Variants in SMOC1 observed in about 807,000 individuals in gnomAD.
SMOC1 encodes the protein SPARC-related modular calcium-binding protein 1.
A neutral mutation model predicts 56.3 loss-of-function variants in SMOC1; 22 were observed. That is an observed-to-expected ratio of 0.39 (90% CI 0.28 to 0.56). The LOEUF (loss-of-function observed/expected upper bound fraction) is 0.56, where lower values mean the gene tolerates loss of function less well. Among genes scored for constraint, SMOC1 ranks in the 20% least tolerant of loss-of-function variants. The pLI, the probability that SMOC1 is intolerant of heterozygous loss-of-function variation, is 0.61. For synonymous variants in SMOC1, 193 were observed against 215.0 expected (o/e 0.90, Z 0.89); for missense variants, 509 against 565.4 (o/e 0.90, Z 1.01).
intron 7 of SMOC1, among the ~76,000 whole-genome samples, chr14:70,002,478 G>A (rs1885003175): frequency 6.6e-6 from 1 of 152,156 alleles, no homozygotes; most frequent in Non-Finnish European, 1.5e-5. Context: ...TTCTGGGCCA[G>A]TTGTCTACCC....
intron 11 of SMOC1, among the ~76,000 whole-genome samples, chr14:70,029,832 G>A (rs1275183535): frequency 6.6e-6 from 1 of 152,200 alleles, no homozygotes; most frequent in Non-Finnish European, 1.5e-5. Flanking sequence ...TATTGGGTCA[G>A]TGCCAATGGG....
intron 1 of SMOC1, among the ~76,000 whole-genome samples, chr14:69,945,133 A>G (rs781380217): frequency 1.3e-5 from 2 of 152,234 alleles, no homozygotes; most frequent in Non-Finnish European, 2.9e-5. Flanking sequence ...TTCATTCCTC[A>G]AACATATACT....
At chr14:69,923,701 A>G (rs561029743) in intron 1 of SMOC1, among the ~76,000 whole-genome samples, 18 of 152,296 alleles carry the variant, frequency 1.2e-4, no homozygotes, top group East Asian at 3.9e-4. Flanking sequence ...TCGATTTGAC[A>G]TCTTCATTTA....
intron 1 of SMOC1, among the ~76,000 whole-genome samples, chr14:69,951,560 GT>G (rs1288949575): frequency 6.6e-6 from 1 of 152,138 alleles, no homozygotes; most frequent in African/African-American, 2.4e-5. Context: ...CCAGAGAGAG[GT>G]GGGCAAAAAT....
intron 1 of SMOC1, among the ~76,000 whole-genome samples, chr14:69,913,474 G>A (rs560240696): frequency 5.9e-4 from 90 of 152,110 alleles, no homozygotes; most frequent in Admixed American, 2.2e-3. Flanking sequence ...GTGTGTGTGC[G>A]TGTGTGTGTG....
intron 3 of SMOC1, among the ~76,000 whole-genome samples, chr14:69,971,318 C>T (rs931696459): frequency 6.6e-6 from 1 of 152,148 alleles, no homozygotes; most frequent in Non-Finnish European, 1.5e-5. Context: ...GCACCTGGCC[C>T]CGCTCCCCCT....
intron 11 of SMOC1, among the ~76,000 whole-genome samples, chr14:70,024,471 C>T (rs569170631): frequency 7.6e-4 from 116 of 152,028 alleles, no homozygotes; most frequent in Non-Finnish European, 1.3e-3. Flanking sequence ...TAAGAGGGAC[C>T]GTATATGGCC....
At chr14:69,986,908 C>T (rs1340425892) in intron 5 of SMOC1, among the ~76,000 whole-genome samples, 2 of 152,220 alleles carry the variant, frequency 1.3e-5, no homozygotes, top group South Asian at 2.1e-4. Flanking sequence ...TCTGCTCCTA[C>T]AGATCAGAAT....
At chr14:70,021,529 C>A (rs1885723264) in intron 10 of SMOC1, among the ~76,000 whole-genome samples, 1 of 152,152 alleles carries the variant, frequency 6.6e-6, no homozygotes, top group South Asian at 2.1e-4. Flanking sequence ...TGGCAGCTCT[C>A]CACGGCTCCC....
intron 7 of SMOC1, among the ~76,000 whole-genome samples, chr14:70,000,433 G>A (rs1366985619): frequency 1.3e-5 from 2 of 152,248 alleles, no homozygotes; most frequent in South Asian, 2.1e-4. Context: ...TAGAAAAAAG[G>A]CAGCTTGCTA....
chr14:69,933,420 GA>G (rs1885217557), intron 1 of SMOC1, among the ~76,000 whole-genome samples: 1 of 151,960 alleles, frequency 6.6e-6, no homozygotes, highest in East Asian at 1.9e-4. Flanking sequence ...TTTAAAACTC[GA>G]AATATCTTCC....
intron 10 of SMOC1, among the ~76,000 whole-genome samples, chr14:70,019,427 T>C (rs1054240088): frequency 6.6e-6 from 1 of 152,224 alleles, no homozygotes; most frequent in Non-Finnish European, 1.5e-5. Flanking sequence ...ACTTTACCCA[T>C]GGAGAAGTCT....
chr14:69,991,094 A>G (rs1216899589), intron 5 of SMOC1, among the ~76,000 whole-genome samples: 1 of 152,168 alleles, frequency 6.6e-6, no homozygotes, highest in African/African-American at 2.4e-5. Context: ...GTTATTATTG[A>G]TGATCTGACT....
At chr14:69,903,789 T>C (rs1219423988) in intron 1 of SMOC1, among the ~76,000 whole-genome samples, 1 of 151,884 alleles carries the variant, frequency 6.6e-6, no homozygotes, top group Non-Finnish European at 1.5e-5. Context: ...GTCCTCTGCC[T>C]AGGAAAACCA....
In SMOC1 at chr14:70,030,343, C is replaced by A; in HGVS notation, c.*85C>A. 1 of 1,521,204 alleles carries A rather than the reference C, an allele frequency of 6.6e-7. No individual in the cohort carries two copies. Among genetic ancestry groups the A allele is most frequent in the Non-Finnish European group, 9.0e-7 (1 of 1,108,014 alleles). 94.2% of individuals were successfully genotyped at this position (1,521,204 alleles called of 1,614,324 possible). ...CCTAACCTTCAGCGTTGCCCATGGCCCTGCCACATCCCGTGTAACATAAGT... is the reference window on the plus strand; with the variant it reads ...CCTAACCTTCAGCGTTGCCCATGGCACTGCCACATCCCGTGTAACATAAGT... On this transcript the variant is annotated 3_prime_UTR_variant, in exon 12 of 12. Transcript: ENST00000361956.
chr14:69,903,061 G>A (rs1007298957), intron 1 of SMOC1, among the ~76,000 whole-genome samples: 6 of 151,714 alleles, frequency 4.0e-5, no homozygotes, highest in Admixed American at 1.3e-4. Flanking sequence ...AGTGAGGAGC[G>A]TCTCTGCCTG....
At chr14:69,903,346 C>T (rs942949980) in intron 1 of SMOC1, among the ~76,000 whole-genome samples, 7 of 151,916 alleles carry the variant, frequency 4.6e-5, no homozygotes, top group South Asian at 4.2e-4. Context: ...GCCCGGCAGC[C>T]GCTCCGTCTG....
At chr14:70,019,762 C>T (rs1317086189) in intron 10 of SMOC1, among the ~76,000 whole-genome samples, 1 of 152,178 alleles carries the variant, frequency 6.6e-6, no homozygotes, top group Admixed American at 6.5e-5. Flanking sequence ...CATGCCTATC[C>T]AGCACTCCCC....
chr14:69,979,205 T>C (rs866733387), intron 5 of SMOC1, among the ~76,000 whole-genome samples: 3 of 152,042 alleles, frequency 2.0e-5, no homozygotes, highest in Admixed American at 6.6e-5. Context: ...CCAGTGCTTA[T>C]GCCATGGGAT....
Sources: gnomAD v4.1 joint callset for allele counts (sites outside exome capture counted in the v4.1 genomes callset) on GRCh38, gnomAD v4.1.1 for gene constraint, MANE v1.5 for transcripts, NCBI Gene and HGNC (gene_info 2026-07-23, HGNC 2026-07-21) for gene names.